CLINT1: variants seen among roughly 807,000 people sequenced by gnomAD.
The protein encoded by CLINT1 is clathrin interacting protein localized in the trans-Golgi region.
A neutral mutation model predicts 70.4 loss-of-function variants in CLINT1; 15 were observed. The ratio of observed to expected loss-of-function variants is 0.21; its 90% CI spans 0.14 to 0.33. The LOEUF (loss-of-function observed/expected upper bound fraction) is 0.33. CLINT1 is among the 10% of genes least tolerant of loss of function. The probability of loss-of-function intolerance (pLI) is 1.00; values close to 1 mark genes in which losing one functional copy is unlikely to be tolerated. For synonymous variants in CLINT1, 227 were observed against 254.7 expected (o/e 0.89, Z 1.04); for missense variants, 615 against 778.1 (o/e 0.79, Z 2.49).
At chr5:157,818,466 C>CCA (rs1561653763) in intron 1 of CLINT1, among the ~76,000 whole-genome samples, 10 of 100,306 alleles carry the variant, frequency 1.0e-4, no homozygotes, top group African/African-American at 3.7e-4. Flanking sequence ...GACCTGGTCT[C>CCA]TAAAAAAAAA....
intron 1 of CLINT1, among the ~76,000 whole-genome samples, chr5:157,818,534 A>C (rs950301932): frequency 6.6e-6 from 1 of 150,674 alleles, no homozygotes; most frequent in Non-Finnish European, 1.5e-5. Flanking sequence ...CTGTAGTCCC[A>C]GCTACTAGGG....
chr5:157,790,646 G>GAA (rs1761873389), intron 10 of CLINT1: 1 of 433,842 alleles, frequency 2.3e-6, no homozygotes, highest in Non-Finnish European at 4.6e-6. Flanking sequence ...CCCCAAAGAC[G>GAA]AGAATCTACA....
intron 1 of CLINT1, among the ~76,000 whole-genome samples, chr5:157,818,011 A>C (rs1731482138): frequency 6.6e-6 from 1 of 152,210 alleles, no homozygotes; most frequent in Non-Finnish European, 1.5e-5. Flanking sequence ...TTAAAAGAAT[A>C]AATCAAAGAT....
In CLINT1 at chr5:157,787,855, T is replaced by C; in HGVS notation, c.1669A>G (p.Met557Val). 6.2e-7 allele frequency: 1 copy of C among 1,613,898 alleles called. No individual in the cohort carries two copies. ...GGGGCCATTCCCATGGTGCCAGTCATCACATTGGGCATGCTCATAGGCATG... is the reference window on the plus strand; with the variant it reads ...GGGGCCATTCCCATGGTGCCAGTCACCACATTGGGCATGCTCATAGGCATG... ...GPMPMSMPNV[M>V]TGTMGMAPLG... Residue 557 changes from methionine (M) to valine (V), a missense_variant, in exon 12 of 12, where the codon ATG becomes GTG. Physicochemically the swap from Met to Val is conservative, Grantham distance 21. Coordinates refer to ENST00000411809, the MANE Select transcript of CLINT1 (RefSeq NM_014666.4).
chr5:157,791,559 G>A, intron 10 of CLINT1, 144 bp downstream of exon 10: 2 of 749,082 alleles, frequency 2.7e-6, no homozygotes, highest in Admixed American at 2.5e-5. Context: ...ATGTGCAAAT[G>A]CGTATATATA....
In CLINT1 at chr5:157,786,487, T is replaced by C. The variant is rs971093097; in HGVS notation, c.*1159A>G. On this transcript the variant is annotated 3_prime_UTR_variant, in exon 12 of 12. Transcript: ENST00000411809. ...TAATTTTGCATTCCAAACTCTAGAA[T>C]CATGATTTTCATGTGAGCTTAATGC... is the stretch of plus-strand genomic sequence containing the variant. The C allele has an allele frequency of 7.2e-5, 11 of 152,528 alleles. No individual in the cohort carries two copies. The highest frequency in any genetic ancestry group is 2.7e-4 in the African/African-American group (11 of 41,440). The allele number at this position is 152,528 out of a possible 1,614,324, so 9.4% of individuals were successfully genotyped here.
chr5:157,817,500 T>C lies in CLINT1; in HGVS notation c.89A>G (p.Glu30Gly), dbSNP rs776913890. 1 of 1,606,684 alleles carries C rather than the reference T, an allele frequency of 6.2e-7. No homozygotes were observed. The highest frequency in any genetic ancestry group is 8.5e-7 in the Non-Finnish European group (1 of 1,176,312). ...NYSEIESKVR[E>G]ATNDDPWGPS... ...TCCCCAAGGATCATCGTTCGTTGCC[T>C]CTCGAACCTTAGACTCGATCTCTGA... The change falls in exon 2 of 12, where the codon GAG becomes GGG. Residue 30 changes from glutamate (E) to glycine (G), a missense_variant. Transcript: ENST00000411809.
chr5:157,838,122 G>GGTTTTTT (rs1581532061), intron 1 of CLINT1, among the ~76,000 whole-genome samples: 1 of 129,944 alleles, frequency 7.7e-6, no homozygotes, highest in Non-Finnish European at 1.6e-5. Flanking sequence ...AGGTTTTTTT[G>GGTTTTTT]TTTTTTTTTT....
At chr5:157,837,113 T>C (rs1763448876) in intron 1 of CLINT1, among the ~76,000 whole-genome samples, 1 of 152,186 alleles carries the variant, frequency 6.6e-6, no homozygotes, top group South Asian at 2.1e-4. Context: ...TTATCAGCGA[T>C]TATGTAAGCA....
intron 1 of CLINT1, among the ~76,000 whole-genome samples, chr5:157,831,314 G>A (rs187273641): frequency 0.011 from 1,710 of 151,182 alleles, 19 homozygotes; most frequent in Non-Finnish European, 0.019. Flanking sequence ...CAGCCTCTGC[G>A]AGTAGCTGGG....
chr5:157,798,601 CAA>C (rs1209983259), intron 8 of CLINT1, among the ~76,000 whole-genome samples: 4 of 151,802 alleles, frequency 2.6e-5, no homozygotes, highest in Non-Finnish European at 4.4e-5. Flanking sequence ...AAATACATGA[CAA>C]AGAATTATTA....
Position 157,848,818 on chromosome 5 carries a change from C to T in CLINT1, c.41+10112G>A, listed in dbSNP as rs374061323. Among the ~76,000 whole-genome samples, 245 of 152,300 alleles carry T rather than the reference C, an allele frequency of 1.6e-3. 2 individuals carry two copies. The highest frequency in any genetic ancestry group is 5.5e-3 in the African/African-American group (229 of 41,584). ...CAGGGATCACAGGCGCCCGCCACCA[C>T]GCCCAGCTAATTTTTGTATTTTTAG... On this transcript the variant is annotated intron_variant, in intron 1 of 11. Transcript: ENST00000411809.
chr5:157,855,334 A>G (rs775578576), intron 1 of CLINT1, among the ~76,000 whole-genome samples: 153 of 152,290 alleles, frequency 1.0e-3, no homozygotes, highest in South Asian at 2.9e-3. Flanking sequence ...GCAACTTTCA[A>G]TTTTACCATG....
chr5:157,826,754 T>G (rs1763053388), intron 1 of CLINT1, among the ~76,000 whole-genome samples: 1 of 152,198 alleles, frequency 6.6e-6, no homozygotes, highest in African/African-American at 2.4e-5. Context: ...AAAGAATGGT[T>G]TCATAGCAGG....
chr5:157,808,624 T>C (rs901206842), intron 6 of CLINT1, among the ~76,000 whole-genome samples: 3 of 152,094 alleles, frequency 2.0e-5, no homozygotes, highest in African/African-American at 2.4e-5. Flanking sequence ...CTCAGAAAAA[T>C]TGGTTTATAA....
At chr5:157,852,370 T>G (rs1753603748) in intron 1 of CLINT1, among the ~76,000 whole-genome samples, 1 of 152,210 alleles carries the variant, frequency 6.6e-6, no homozygotes, top group African/African-American at 2.4e-5. Context: ...AAATTAGCTG[T>G]CCTATATGTA....
intron 1 of CLINT1, among the ~76,000 whole-genome samples, chr5:157,845,068 C>A (rs1338280003): frequency 6.6e-6 from 1 of 152,182 alleles, no homozygotes; most frequent in Non-Finnish European, 1.5e-5. Flanking sequence ...AGTACTGTAG[C>A]CTGGGTGCAG....
intron 1 of CLINT1, among the ~76,000 whole-genome samples, chr5:157,840,776 C>G (rs1389835971): frequency 6.6e-6 from 1 of 152,036 alleles, no homozygotes; most frequent in Non-Finnish European, 1.5e-5. Flanking sequence ...GTGGCTCACG[C>G]TTGTAATCCT....
At chr5:157,851,427 A>G (rs1753571501) in intron 1 of CLINT1, among the ~76,000 whole-genome samples, 2 of 152,156 alleles carry the variant, frequency 1.3e-5, no homozygotes. Flanking sequence ...AGTGGCTCAC[A>G]CCTGCAATTC....
Sources: gnomAD v4.1 joint callset for allele counts (sites outside exome capture counted in the v4.1 genomes callset) on GRCh38, gnomAD v4.1.1 for gene constraint, MANE v1.5 for transcripts, NCBI Gene and HGNC (gene_info 2026-07-23, HGNC 2026-07-21) for gene names.